Variants in GRIK4 observed in about 807,000 individuals in gnomAD.
GRIK4 encodes glutamate receptor ionotropic, kainate 4.
Under a neutral mutation model 104.9 loss-of-function variants are expected in GRIK4, and 40 were observed. The ratio of observed to expected loss-of-function variants is 0.38; its 90% CI spans 0.30 to 0.50. The LOEUF (loss-of-function observed/expected upper bound fraction) is 0.50, where lower values mean the gene tolerates loss of function less well. GRIK4 is among the 20% of genes least tolerant of loss of function. The probability of loss-of-function intolerance (pLI) is 0.93; values close to 1 mark genes in which losing one functional copy is unlikely to be tolerated. For missense variants in GRIK4, 1,047 were observed against 1,308.1 expected (o/e 0.80, Z 3.08); for synonymous variants, 485 against 524.9 (o/e 0.92, Z 1.04).
At chr11:120,881,444 G>C (rs1423891587) in intron 11 of GRIK4, among the ~76,000 whole-genome samples, 1 of 152,210 alleles carries the variant, frequency 6.6e-6, no homozygotes, top group African/African-American at 2.4e-5. Flanking sequence ...GCCAGGCAAT[G>C]AGGAGAGGGC....
chr11:120,630,643 C>G (rs2135182077), intron 1 of GRIK4, among the ~76,000 whole-genome samples: 1 of 152,364 alleles, frequency 6.6e-6, no homozygotes, highest in Non-Finnish European at 1.5e-5. Flanking sequence ...GAGAGGGCTT[C>G]TGTGACAGTC....
intron 3 of GRIK4, among the ~76,000 whole-genome samples, chr11:120,738,439 G>T (rs975813745): frequency 7.9e-5 from 12 of 152,224 alleles, no homozygotes; most frequent in Non-Finnish European, 1.6e-4. Context: ...CTGTCTTAGT[G>T]CCAGGCACAA....
chr11:120,578,275 G>A (rs1948513006), intron 1 of GRIK4, among the ~76,000 whole-genome samples: 1 of 152,162 alleles, frequency 6.6e-6, no homozygotes, highest in African/African-American at 2.4e-5. Context: ...ATAGATGTGG[G>A]CACAGCCTAG....
chr11:120,691,839 A>C (rs1950369618), intron 3 of GRIK4, among the ~76,000 whole-genome samples: 1 of 152,142 alleles, frequency 6.6e-6, no homozygotes, highest in Non-Finnish European at 1.5e-5. Context: ...CAGTGGCCTT[A>C]AGGGGAGTAT....
At chr11:120,910,116 C>T (rs774376050) in intron 13 of GRIK4, among the ~76,000 whole-genome samples, 2 of 152,150 alleles carry the variant, frequency 1.3e-5, no homozygotes, top group East Asian at 3.8e-4. Flanking sequence ...TGACCCTTAC[C>T]GGGTGACAAT....
chr11:120,981,917 A>AT (rs1266940755), intron 19 of GRIK4, among the ~76,000 whole-genome samples, 189 bp from the exon 20 acceptor site: 1 of 152,064 alleles, frequency 6.6e-6, no homozygotes, highest in Non-Finnish European at 1.5e-5. Context: ...ACTATGCTGC[A>AT]TTTTTTCCAG....
rs927982714 is a variant in GRIK4, at chr11:120,555,567, C to T, written c.-159+43680C>T. Among the ~76,000 whole-genome samples, 8 of 152,242 alleles carry T rather than the reference C, an allele frequency of 5.3e-5. No homozygotes were observed. The highest frequency in any genetic ancestry group is 8.8e-5 in the Non-Finnish European group (6 of 68,046). ...CACACAGCGGTCGTCTTCTCCCTCA[C>T]GGTCCGCCTGCCTTTCCCGACCTAC... On this transcript the variant is annotated intron_variant, in intron 1 of 20. Transcript: ENST00000527524. The surrounding 1 kb of genome is among the most constrained non-coding windows in gnomAD (Gnocchi z 5.3).
intron 3 of GRIK4, among the ~76,000 whole-genome samples, chr11:120,763,245 A>AGTATTCTCTGATGGTAGTTC (rs1951779412): frequency 6.6e-6 from 1 of 152,134 alleles, no homozygotes; most frequent in South Asian, 2.1e-4. Context: ...AGGTGTTTAT[A>AGTATTCTCTGATGGTAGTTC]GTATTCTCTG....
chr11:120,916,162 TGG>T (rs1943100318), intron 13 of GRIK4, among the ~76,000 whole-genome samples: 1 of 152,200 alleles, frequency 6.6e-6, no homozygotes, highest in South Asian at 2.1e-4. Context: ...CCCTCTTATC[TGG>T]AAACTGGACT....
intron 1 of GRIK4, among the ~76,000 whole-genome samples, chr11:120,650,044 A>G (rs1241448626): frequency 6.6e-6 from 1 of 152,162 alleles, no homozygotes; most frequent in African/African-American, 2.4e-5. Flanking sequence ...GTCACCATTC[A>G]GAGCCAGTCC....
intron 11 of GRIK4, among the ~76,000 whole-genome samples, chr11:120,890,212 C>T (rs775991096): frequency 3.3e-5 from 5 of 152,222 alleles, no homozygotes; most frequent in East Asian, 3.9e-4. Context: ...ACAACAACAA[C>T]GCTGTACTAT....
At chr11:120,734,811 A>G (rs1428678243) in intron 3 of GRIK4, among the ~76,000 whole-genome samples, 1 of 152,164 alleles carries the variant, frequency 6.6e-6, no homozygotes, top group African/African-American at 2.4e-5. Flanking sequence ...TCTGCTGTTA[A>G]GAGACTCTGA....
chr11:120,948,500 G>T (rs376747084), intron 14 of GRIK4, among the ~76,000 whole-genome samples: 1 of 152,172 alleles, frequency 6.6e-6, no homozygotes, highest in African/African-American at 2.4e-5. Context: ...CTAAAGGTTG[G>T]AATCACTGGC....
At chr11:120,818,143 T>C (rs1953009191) in intron 5 of GRIK4, among the ~76,000 whole-genome samples, 1 of 152,198 alleles carries the variant, frequency 6.6e-6, no homozygotes, top group African/African-American at 2.4e-5. Flanking sequence ...GGATTCACGG[T>C]ATCTCTAAGG....
intron 3 of GRIK4, among the ~76,000 whole-genome samples, chr11:120,723,393 A>G (rs1218660256): frequency 1.3e-5 from 2 of 152,150 alleles, no homozygotes; most frequent in African/African-American, 2.4e-5. Context: ...ACCTGCCCTG[A>G]GAGGTATTCT....
At chr11:120,701,614 A>G (rs184373941) in intron 3 of GRIK4, among the ~76,000 whole-genome samples, 1 of 152,338 alleles carries the variant, frequency 6.6e-6, no homozygotes, top group East Asian at 1.9e-4. Flanking sequence ...AGGTGATTCC[A>G]TCTCCTGTGT....
intron 6 of GRIK4, among the ~76,000 whole-genome samples, chr11:120,820,857 A>G (rs1052292832): frequency 5.3e-5 from 8 of 152,158 alleles, no homozygotes; most frequent in African/African-American, 1.7e-4. Context: ...AGAACCACCT[A>G]CTTTCCCAGA....
At chr11:120,860,970 C>T (rs1263366964) in intron 8 of GRIK4, among the ~76,000 whole-genome samples, 1 of 152,084 alleles carries the variant, frequency 6.6e-6, no homozygotes, top group African/African-American at 2.4e-5. Flanking sequence ...CCCTTGTATC[C>T]AGTGTGCTAA....
chr11:120,875,067 G>A, intron 10 of GRIK4, 72 bp from the exon 11 acceptor site: 1 of 941,856 alleles, frequency 1.1e-6, no homozygotes, highest in South Asian at 1.3e-5. Flanking sequence ...TAGCCCCTGT[G>A]TAGAAATCTT....
Sources: allele counts gnomAD v4.1 joint callset (sites outside exome capture counted in the v4.1 genomes callset), GRCh38; gene constraint gnomAD v4.1.1; non-coding constraint Gnocchi (gnomAD v3.1); transcripts MANE v1.5; gene names NCBI Gene and HGNC (gene_info 2026-07-23, HGNC 2026-07-21).